Variants in CSMD1 observed in about 807,000 individuals in gnomAD.
The protein encoded by CSMD1 is CUB and sushi domain-containing protein 1.
In CSMD1, 213 loss-of-function variants were observed where a neutral mutation model predicts 417.5. The observed-to-expected ratio is 0.51, with a 90% CI of 0.46 to 0.57. The LOEUF (loss-of-function observed/expected upper bound fraction) is 0.57, where lower values mean the gene tolerates loss of function less well. Ranked by LOEUF, CSMD1 falls within the 20% of genes least tolerant of loss-of-function variation. The pLI is 0.00. For synonymous variants in CSMD1, 2,862 were observed against 1,736.8 expected, an observed-to-expected ratio of 1.65 and a Z score of -16.11; for missense variants, 6,923 against 4,529.7, an observed-to-expected ratio of 1.53 and a Z score of -15.17.
At chr8:3,097,945 C>A (rs138611791) in intron 46 of CSMD1, among the ~76,000 whole-genome samples, 4 of 152,154 alleles carry the variant, frequency 2.6e-5, no homozygotes, top group African/African-American at 9.6e-5. Flanking sequence ...ATGGATACAT[C>A]GTATCTTTTC....
chr8:3,026,574 C>T (rs1241818805), intron 51 of CSMD1, among the ~76,000 whole-genome samples: 5 of 151,702 alleles, frequency 3.3e-5, no homozygotes, highest in Non-Finnish European at 2.9e-5. Flanking sequence ...CCTCACCGGA[C>T]CTCACTGGGC....
intron 12 of CSMD1, among the ~76,000 whole-genome samples, chr8:3,465,673 A>T (rs764474016): frequency 6.6e-6 from 1 of 152,172 alleles, no homozygotes; most frequent in Non-Finnish European, 1.5e-5. Flanking sequence ...TTTCTTGTCA[A>T]GGTTGGAGTA....
intron 3 of CSMD1, among the ~76,000 whole-genome samples, chr8:4,228,354 C>A (rs777935197): frequency 1.2e-4 from 18 of 152,116 alleles, no homozygotes; most frequent in Non-Finnish European, 2.2e-4. Flanking sequence ...TCCCATTTTC[C>A]TTTCCAGTTT....
At chr8:4,021,516 G>C (rs772406227) in intron 4 of CSMD1, among the ~76,000 whole-genome samples, 1 of 152,128 alleles carries the variant, frequency 6.6e-6, no homozygotes, top group Non-Finnish European at 1.5e-5. Flanking sequence ...GTCCTCAGTA[G>C]AGTGTGGATG....
At chr8:4,961,388 G>A (rs1243916614) in intron 1 of CSMD1, among the ~76,000 whole-genome samples, 1 of 152,066 alleles carries the variant, frequency 6.6e-6, no homozygotes, top group East Asian at 1.9e-4. Flanking sequence ...TCAGTAGAAT[G>A]TTTGTCTCAA....
intron 3 of CSMD1, among the ~76,000 whole-genome samples, chr8:4,117,899 A>T (rs1315946583): frequency 6.7e-6 from 1 of 149,776 alleles, no homozygotes; most frequent in Non-Finnish European, 1.5e-5. Flanking sequence ...GAGGAAAGAC[A>T]TTTAAAACTA....
intron 3 of CSMD1, among the ~76,000 whole-genome samples, chr8:4,402,002 C>G (rs1208096515): frequency 6.6e-6 from 1 of 151,966 alleles, no homozygotes; most frequent in African/African-American, 2.4e-5. Context: ...CTGCCACATT[C>G]CTGCTGCTAC....
chr8:4,727,766 C>T (rs928653955), intron 1 of CSMD1, among the ~76,000 whole-genome samples: 2 of 151,708 alleles, frequency 1.3e-5, no homozygotes, highest in Admixed American at 6.6e-5. Context: ...TTAAGGGCTG[C>T]TCTCTGCTTC....
At chr8:4,950,499 C>G (rs1808670046) in intron 1 of CSMD1, among the ~76,000 whole-genome samples, 1 of 152,088 alleles carries the variant, frequency 6.6e-6, no homozygotes, top group Non-Finnish European at 1.5e-5. Flanking sequence ...CAGCCTACAT[C>G]TATTAAACAT....
chr8:3,954,742 C>G (rs1051988127), intron 5 of CSMD1, among the ~76,000 whole-genome samples: 1 of 151,766 alleles, frequency 6.6e-6, no homozygotes, highest in Non-Finnish European at 1.5e-5. Context: ...CAGAGCCCTC[C>G]TTGCCCCTCA....
intron 2 of CSMD1, among the ~76,000 whole-genome samples, chr8:4,455,124 A>G (rs538432710): frequency 2.0e-5 from 3 of 152,340 alleles, no homozygotes; most frequent in East Asian, 1.9e-4. Flanking sequence ...AGGATGACGG[A>G]TATCAAAGAG....
intron 3 of CSMD1, among the ~76,000 whole-genome samples, chr8:4,203,679 A>G (rs955200984): frequency 2.0e-5 from 3 of 152,086 alleles, no homozygotes; most frequent in Non-Finnish European, 4.4e-5. Context: ...GGCCATTTGT[A>G]AGTAGGGATC....
At chr8:3,742,830 C>T (rs1796880230) in intron 6 of CSMD1, among the ~76,000 whole-genome samples, 1 of 152,202 alleles carries the variant, frequency 6.6e-6, no homozygotes, top group Admixed American at 6.5e-5. Flanking sequence ...TAAGGAGACC[C>T]AACTTCTTCA....
At chr8:3,326,928 G>T (rs1322023480) in intron 23 of CSMD1, among the ~76,000 whole-genome samples, 1 of 152,064 alleles carries the variant, frequency 6.6e-6, no homozygotes, top group Non-Finnish European at 1.5e-5. Flanking sequence ...TGTAATCTCG[G>T]CTCTTAGGGA....
chr8:4,950,904 G>C (rs1051565889), intron 1 of CSMD1, among the ~76,000 whole-genome samples: 4 of 151,942 alleles, frequency 2.6e-5, no homozygotes, highest in African/African-American at 7.3e-5. Context: ...AAATGTACTT[G>C]TTTAAAGTAC....
chr8:2,937,454 A>AAAAAAAAAAAAAAC lies in CSMD1; in HGVS notation c.*1130_*1131insGTTTTTTTTTTTTT, dbSNP rs1563163139. 1.6e-4 allele frequency: 11 copies of AAAAAAAAAAAAAAC among 69,746 alleles called. No individual in the cohort carries two copies. Among genetic ancestry groups the AAAAAAAAAAAAAAC allele is most frequent in the Non-Finnish European group, 2.5e-4 (9 of 36,156 alleles). 4.3% of individuals were successfully genotyped at this position (69,746 alleles called of 1,614,324 possible). ...GTAAAAGACAAAAAAAAAAAAAAACAAAAAAAAAACACTGCAAAAGGGAAG... is the reference window on the plus strand; with the variant it reads ...GTAAAAGACAAAAAAAAAAAAAAACAAAAAAAAAAAAAACAAAAAAAAACACTGCAAAAGGGAAG... On this transcript the variant is annotated 3_prime_UTR_variant, in exon 70 of 70. Transcript: ENST00000635120.
chr8:4,593,272 T>C (rs771627298), intron 2 of CSMD1, among the ~76,000 whole-genome samples: 1 of 152,210 alleles, frequency 6.6e-6, no homozygotes, highest in African/African-American at 2.4e-5. Context: ...GTTAATATGA[T>C]TTCCCCATTT....
chr8:3,565,184 A>G lies in CSMD1; in HGVS notation c.1344+9761T>C, dbSNP rs117883189. On this transcript the variant is annotated intron_variant, in intron 10 of 69. Coordinates refer to ENST00000635120, the MANE Select transcript of CSMD1 (RefSeq NM_033225.6). ...AAGAGAGAGATCAAGAAAGAAAGAAAGATACATAGATAGACAGATAGATAG... is the reference window on the plus strand; with the variant it reads ...AAGAGAGAGATCAAGAAAGAAAGAAGGATACATAGATAGACAGATAGATAG... Among the ~76,000 whole-genome samples the G allele has an allele frequency of 4.3e-3, 534 of 122,966 alleles. 8 individuals are homozygous for G. The highest frequency in any genetic ancestry group is 0.042 in the East Asian group (185 of 4,404). 80.7% of individuals were successfully genotyped at this position (122,966 alleles called of 152,430 possible). A position where few individuals can be genotyped will look rare whatever the true frequency, so the allele number is the denominator to read the frequency against.
intron 3 of CSMD1, among the ~76,000 whole-genome samples, chr8:4,235,042 G>A (rs1801962407): frequency 1.3e-5 from 2 of 152,078 alleles, no homozygotes; most frequent in South Asian, 2.1e-4. Context: ...TTCAACATTC[G>A]AATTTAAGGG....
Sources: allele counts gnomAD v4.1 joint callset (sites outside exome capture counted in the v4.1 genomes callset), GRCh38; gene constraint gnomAD v4.1.1; transcripts MANE v1.5; gene names NCBI Gene and HGNC (gene_info 2026-07-23, HGNC 2026-07-21).